Variants in HDLBP observed in about 807,000 individuals in gnomAD.
HDLBP encodes the protein vigilin.
HDLBP carries 30 observed loss-of-function variants against 137.3 expected under a neutral mutation model. The observed-to-expected ratio is 0.22, with a 90% CI of 0.16 to 0.30. HDLBP has a LOEUF of 0.30. Ranked by LOEUF, HDLBP falls within the 10% of genes least tolerant of loss-of-function variation. HDLBP has a pLI of 1.00. For synonymous variants in HDLBP, 606 were observed against 596.0 expected (o/e 1.02, Z -0.24); for missense variants, 1,119 against 1,667.3 (o/e 0.67, Z 5.73).
chr2:241,228,374 T>C lies in HDLBP; in HGVS notation c.*1227A>G, dbSNP rs1452983940. 3 of 152,364 alleles carry C rather than the reference T, an allele frequency of 2.0e-5. No individual in the cohort carries two copies. Among genetic ancestry groups the C allele is most frequent in the African/African-American group, 7.2e-5 (3 of 41,462 alleles). 9.4% of individuals were successfully genotyped at this position (152,364 alleles called of 1,614,324 possible). On this transcript the variant is annotated 3_prime_UTR_variant, in exon 28 of 28. Coordinates refer to ENST00000310931, the MANE Select transcript of HDLBP (RefSeq NM_005336.6). ...CAGCGGCGTGGTCTGCATTCTGCTC[T>C]ACCTCATGCTCTAGGCCCCATGCCA...
At chr2:241,242,869 G>A (rs2071380544) in intron 16 of HDLBP, 191 bp from the exon 17 acceptor site, 3 of 601,036 alleles carry the variant, frequency 5.0e-6, no homozygotes, top group South Asian at 3.8e-5. Flanking sequence ...TGCACGTCCT[G>A]GGGAGAGTGG....
rs1360802622 is a variant in HDLBP, at chr2:241,227,708, C to T, written c.*1893G>A. The stretch of plus-strand genomic sequence containing the variant: ...GGTAGGGGCAGGATGTTTTATGACA[C>T]TGTAGAAAAGACAGGAGGAACCCGC... On this transcript the variant is annotated 3_prime_UTR_variant, in exon 28 of 28. Coordinates refer to ENST00000310931, the MANE Select transcript of HDLBP (RefSeq NM_005336.6). The T allele has an allele frequency of 6.6e-6, 1 of 152,546 alleles. No individual in the cohort carries two copies. Among genetic ancestry groups the T allele is most frequent in the Non-Finnish European group, 1.5e-5 (1 of 68,048 alleles). The allele number at this position is 152,546 out of a possible 1,614,324, so 9.4% of individuals were successfully genotyped here.
At chr2:241,295,012 G>T (rs1419634628) in intron 1 of HDLBP, among the ~76,000 whole-genome samples, 1 of 152,144 alleles carries the variant, frequency 6.6e-6, no homozygotes, top group Non-Finnish European at 1.5e-5. Context: ...TGAGGCAGGA[G>T]AATCTCTTGA....
intron 1 of HDLBP, among the ~76,000 whole-genome samples, chr2:241,298,045 C>T (rs1462417333): frequency 4.3e-5 from 1 of 23,360 alleles, no homozygotes; most frequent in East Asian, 8.8e-4. Flanking sequence ...GACCCTGTCT[C>T]AAAAAAAAAA....
At chr2:241,304,294 T>G (rs1035791708) in intron 1 of HDLBP, among the ~76,000 whole-genome samples, 18 of 152,230 alleles carry the variant, frequency 1.2e-4, no homozygotes, top group African/African-American at 3.9e-4. Flanking sequence ...GCTTCACGTG[T>G]AACCCAGGCT....
chr2:241,249,761 AC>A, intron 12 of HDLBP, 79 bp downstream of exon 12: 1 of 1,382,078 alleles, frequency 7.2e-7, no homozygotes. Flanking sequence ...AAGGCCGCAC[AC>A]CACAACACGC....
At chr2:241,234,045 G>C in intron 23 of HDLBP, 82 bp from the exon 24 acceptor site, 1 of 1,498,422 alleles carries the variant, frequency 6.7e-7, no homozygotes, top group East Asian at 2.3e-5. Context: ...CCTGGTCATA[G>C]GACACTGGAG....
At chr2:241,256,929 T>C in intron 5 of HDLBP, 123 bp from the exon 6 acceptor site, 1 of 796,718 alleles carries the variant, frequency 1.3e-6, no homozygotes. Context: ...CACCAACTCA[T>C]CCATTAAAAC....
In HDLBP at chr2:241,238,776, C is replaced by T; in HGVS notation, c.2622G>A (p.Val874=). 4.6e-6 allele frequency: 7 copies of T among 1,513,316 alleles called. No individual in the cohort carries two copies. Among genetic ancestry groups the T allele is most frequent in the Non-Finnish European group, 6.2e-6 (7 of 1,120,106 alleles). 93.7% of individuals were successfully genotyped at this position (1,513,316 alleles called of 1,614,324 possible). A position where few individuals can be genotyped will look rare whatever the true frequency, so the allele number is the denominator to read the frequency against. ...QEIIEDLEAQ[V]TLECAIPQKF... is the part of the protein sequence containing the mutation. Reference sequence around the variant, plus strand: ...TCTGGGGTATAGCACATTCTAATGTCACCTGAGCTTCCTGGAGGGAGGTAC... The same window carrying T: ...TCTGGGGTATAGCACATTCTAATGTTACCTGAGCTTCCTGGAGGGAGGTAC... Residue 874 remains valine (V), a synonymous_variant, in exon 20 of 28, where the codon GTG becomes GTA. Coordinates refer to ENST00000310931, the MANE Select transcript of HDLBP (RefSeq NM_005336.6). The surrounding 1 kb of genome is among the most constrained non-coding windows in gnomAD (Gnocchi z 4.9).
In HDLBP at chr2:241,248,255, T is replaced by G. The variant is rs1365848414; in HGVS notation, c.1606A>C (p.Lys536Gln). ...KGERIREIRD[K>Q]FPEVIINFPD... The stretch of plus-strand genomic sequence containing the variant: ...CTGGGAAACTTTACCTCTGGGAATT[T>G]GTCACGAATTTCACGGATCCGTTCA... The change falls in exon 13 of 28, where the codon AAA becomes CAA. Residue 536 changes from lysine to glutamine, a missense_variant. Lys to Gln is a moderately conservative substitution (Grantham distance 53). Around this residue, in one of 4 missense-constraint regions of HDLBP, gnomAD observed 425 missense variants for 693.9 expected, o/e 0.61. Transcript: ENST00000310931. The G allele has an allele frequency of 6.2e-7, 1 of 1,613,516 alleles. No individual in the cohort carries two copies. Among genetic ancestry groups the G allele is most frequent in the South Asian group, 1.1e-5 (1 of 91,080 alleles).
rs1448683453 is a variant in HDLBP, at chr2:241,240,099, G to A, written c.2193C>T (p.Asp731=). The A allele has an allele frequency of 1.9e-6, 3 of 1,614,050 alleles. No homozygotes were observed. The highest frequency in any genetic ancestry group is 2.2e-5 in the South Asian group (2 of 91,092). ...EEKQTKSFTV[D]IRAKPEYHKF... Reference sequence around the variant, plus strand: ...TGTGGTATTCTGGCTTGGCGCGGATGTCAACAGTGAAACTCTTGGTTTGCT... The same window carrying A: ...TGTGGTATTCTGGCTTGGCGCGGATATCAACAGTGAAACTCTTGGTTTGCT... Residue 731 remains aspartate (D), a synonymous_variant, in exon 18 of 28, where the codon GAC becomes GAT. Transcript: ENST00000310931. This position sits in a 1 kb window ranked among gnomAD's most constrained non-coding sequence, Gnocchi z 5.5.
intron 17 of HDLBP, among the ~76,000 whole-genome samples, chr2:241,241,648 G>A (rs1423445991): frequency 7.1e-6 from 1 of 140,522 alleles, no homozygotes; most frequent in Non-Finnish European, 1.5e-5. Flanking sequence ...GCTTTATTTA[G>A]CAGCCTCGTG....
At position 241,255,945 on chromosome 2, in the gene HDLBP, C is replaced by T. The variant is rs145940397; in HGVS notation, c.873+239G>A. On this transcript the variant is annotated intron_variant, in intron 7 of 27. Transcript: ENST00000310931. ...GTGCATCTGACCCGGGGCAGCCCAG[C>T]TGGCAGCCTGTCAGCACAGTCAGAG... Among the ~76,000 whole-genome samples, 98 of 152,350 alleles carry T rather than the reference C, an allele frequency of 6.4e-4. No individual in the cohort carries two copies. The Middle Eastern group carries it at 0.014, about 21-fold the overall frequency.
intron 5 of HDLBP, among the ~76,000 whole-genome samples, chr2:241,257,524 C>T (rs966788499): frequency 2.6e-5 from 4 of 152,056 alleles, no homozygotes; most frequent in Non-Finnish European, 4.4e-5. Flanking sequence ...AGCCACTGCG[C>T]CTGGCCAAAA....
In HDLBP at chr2:241,273,185, CCCA is replaced by C. The variant is rs1175231321; in HGVS notation, c.-102-4647_-102-4645del. 1.0e-5 allele frequency: 10 copies of C among 985,400 alleles called. No individual in the cohort carries two copies. In the African/African-American group the frequency reaches 1.4e-4, roughly 14 times the overall value. 61.0% of individuals were successfully genotyped at this position (985,400 alleles called of 1,614,324 possible). A position where few individuals can be genotyped will look rare whatever the true frequency, so the allele number is the denominator to read the frequency against. On this transcript the variant is annotated intron_variant, in intron 1 of 27. Transcript: ENST00000310931. ...ATCAGAAGAAAAACCTCAAAGGATG[CCCA>C]CCACATCGTAAACGGATGGCCACAC...
chr2:241,264,538 A>G lies in HDLBP; in HGVS notation c.144T>C (p.Pro48=), dbSNP rs777192358. Residue 48 remains proline, a synonymous_variant, in exon 4 of 28, where the codon CCT becomes CCC. Coordinates refer to ENST00000310931, the MANE Select transcript of HDLBP (RefSeq NM_005336.6). ...CACTTTCCAGGCAAGCAGCTTTCTC[A>G]GGAAGTGGAGGGAAGGCATCCTTGT... ...PTYKDAFPPL[P]EKAACLESAQ... 1 of 1,613,684 alleles carries G rather than the reference A, an allele frequency of 6.2e-7. No individual in the cohort carries two copies. The highest frequency in any genetic ancestry group is 8.5e-7 in the Non-Finnish European group (1 of 1,179,704).
intron 9 of HDLBP, among the ~76,000 whole-genome samples, chr2:241,254,174 C>T (rs551173438): frequency 2.0e-5 from 3 of 152,032 alleles, no homozygotes; most frequent in Non-Finnish European, 4.4e-5. Flanking sequence ...CTGAGACGAG[C>T]GGATCACTTG....
At position 241,272,692 on chromosome 2, in the gene HDLBP, C is replaced by T. The variant is rs1352258492; in HGVS notation, c.-102-4151G>A. On this transcript the variant is annotated intron_variant, in intron 1 of 27. Transcript: ENST00000310931. The surrounding 1 kb of genome is among the most constrained non-coding windows in gnomAD (Gnocchi z 5.6). Reference sequence around the variant, plus strand: ...ACGTCAGCAGCCACCCCCCACCCCCCCGCCCGGCAGCCCGCCCGCCCCGTC... The same window carrying T: ...ACGTCAGCAGCCACCCCCCACCCCCTCGCCCGGCAGCCCGCCCGCCCCGTC... 20 of 756,410 alleles carry T rather than the reference C, an allele frequency of 2.6e-5. 2 individuals carry two copies. Among genetic ancestry groups the T allele is most frequent in the Admixed American group, 2.0e-4 (3 of 15,342 alleles). The allele number at this position is 756,410 out of a possible 1,614,324, so 46.9% of individuals were successfully genotyped here.
intron 1 of HDLBP, among the ~76,000 whole-genome samples, chr2:241,284,198 T>G: frequency 6.6e-6 from 1 of 152,320 alleles, no homozygotes; most frequent in East Asian, 1.9e-4. Flanking sequence ...GACTTAATAC[T>G]TAAGAAATTA....
Sources: allele counts gnomAD v4.1 joint callset (sites outside exome capture counted in the v4.1 genomes callset), GRCh38; gene constraint gnomAD v4.1.1; regional missense constraint gnomAD v4.1.1; non-coding constraint Gnocchi (gnomAD v3.1); transcripts MANE v1.5; gene names NCBI Gene and HGNC (gene_info 2026-07-23, HGNC 2026-07-21).